Variants in ITGB5 observed in about 807,000 individuals in gnomAD.
ITGB5 encodes the protein integrin beta-5.
A neutral mutation model predicts 84.8 loss-of-function variants in ITGB5; 38 were observed. That is an observed-to-expected ratio of 0.45 (90% CI 0.35 to 0.59). The LOEUF is 0.59. ITGB5 is among the 20% of genes least tolerant of loss of function. ITGB5 has a pLI of 0.01. For missense variants in ITGB5, 905 were observed against 1,034.5 expected, an observed-to-expected ratio of 0.87 and a Z score of 1.72; for synonymous variants, 393 against 414.4, an observed-to-expected ratio of 0.95 and a Z score of 0.63.
intron 9 of ITGB5, among the ~76,000 whole-genome samples, chr3:124,801,273 C>T (rs1030541149): frequency 6.6e-6 from 1 of 152,096 alleles, no homozygotes; most frequent in South Asian, 2.1e-4. Context: ...AACTGACTCC[C>T]GATGGTTGGT....
chr3:124,874,076 A>C (rs1490893419), intron 1 of ITGB5, among the ~76,000 whole-genome samples: 1 of 151,714 alleles, frequency 6.6e-6, no homozygotes, highest in Non-Finnish European at 1.5e-5. Flanking sequence ...AAAAAAAAAA[A>C]AACCCAAGGC....
At chr3:124,886,567 C>T (rs1934818495) in intron 1 of ITGB5, among the ~76,000 whole-genome samples, 1 of 152,080 alleles carries the variant, frequency 6.6e-6, no homozygotes, top group Admixed American at 6.5e-5. Flanking sequence ...CCCGGCCGGC[C>T]ACAAGGACCG....
At chr3:124,865,547 C>T (rs913701380) in intron 2 of ITGB5, among the ~76,000 whole-genome samples, 1 of 126,048 alleles carries the variant, frequency 7.9e-6, no homozygotes, top group Non-Finnish European at 1.6e-5. Context: ...AGTGCAGTGA[C>T]GTGATCACCA....
intron 5 of ITGB5, among the ~76,000 whole-genome samples, chr3:124,836,534 G>T (rs2064938128): frequency 6.6e-6 from 1 of 152,102 alleles, no homozygotes; most frequent in Non-Finnish European, 1.5e-5. Context: ...ACTTCCCAGA[G>T]CACACAGTCA....
chr3:124,895,025 A>G (rs1935074347), intron 1 of ITGB5, among the ~76,000 whole-genome samples: 1 of 151,986 alleles, frequency 6.6e-6, no homozygotes, highest in Admixed American at 6.6e-5. Context: ...TGTGGCCCAC[A>G]GGCCACAGGT....
chr3:124,784,071 T>G (rs906611340), intron 10 of ITGB5, among the ~76,000 whole-genome samples: 2 of 152,210 alleles, frequency 1.3e-5, no homozygotes, highest in South Asian at 4.1e-4. Flanking sequence ...AATAAGGTGA[T>G]ATTGCTTTAA....
chr3:124,764,061 G>A (rs2063731743), intron 14 of ITGB5, among the ~76,000 whole-genome samples: 1 of 152,182 alleles, frequency 6.6e-6, no homozygotes, highest in African/African-American at 2.4e-5. Context: ...CAGACTGCAG[G>A]TGTGAGTGTT....
intron 2 of ITGB5, among the ~76,000 whole-genome samples, chr3:124,867,986 C>T (rs2065417594): frequency 6.6e-6 from 1 of 152,074 alleles, no homozygotes; most frequent in Non-Finnish European, 1.5e-5. Flanking sequence ...ATCATGGGGG[C>T]GGTTTCCCCT....
intron 4 of ITGB5, among the ~76,000 whole-genome samples, chr3:124,844,971 A>G (rs2065058148): frequency 6.6e-6 from 1 of 152,230 alleles, no homozygotes; most frequent in African/African-American, 2.4e-5. Context: ...CGGCAAACAT[A>G]AAACTGCTCT....
intron 10 of ITGB5, among the ~76,000 whole-genome samples, chr3:124,794,681 C>G (rs781440866): frequency 7.9e-5 from 12 of 151,628 alleles, no homozygotes; most frequent in Non-Finnish European, 5.9e-5. Flanking sequence ...AGTCAGGAGG[C>G]TGAGACAGGA....
Position 124,859,428 on chromosome 3 carries a change from A to G in ITGB5, c.175T>C (p.Ser59Pro), listed in dbSNP as rs2065265950. The part of the protein sequence containing the change: ...CSKEDFGSPR[S>P]ITSRCDLRAN... Reference sequence around the variant, plus strand: ...CTCAGATCACACCGAGAGGTGATGGACCGTGGGCTTCCGAAGTCCTAGGCA... The same window carrying G: ...CTCAGATCACACCGAGAGGTGATGGGCCGTGGGCTTCCGAAGTCCTAGGCA... The change falls in exon 3 of 15, where the codon TCC (serine) becomes CCC (proline). Residue 59 changes from serine to proline, a missense_variant. Coordinates refer to ENST00000296181, the MANE Select transcript of ITGB5 (RefSeq NM_002213.5). The G allele has an allele frequency of 2.5e-6, 4 of 1,613,826 alleles. No individual in the cohort carries two copies. The South Asian group carries it at 4.4e-5, about 18-fold the overall frequency.
chr3:124,859,762 A>G lies in ITGB5; in HGVS notation c.157-316T>C, dbSNP rs3772859. On this transcript the variant is annotated intron_variant, in intron 2 of 14. Transcript: ENST00000296181. ...TAGCAAGAGAAACAGAAATGATCAG[A>G]AGTTGTATAGCTAAAATTTTTTAAA... 2.3e-3 allele frequency among the ~76,000 whole-genome samples: 347 copies of G among 152,262 alleles called. 11 individuals carry two copies. In the East Asian group the frequency reaches 0.057, roughly 25 times the overall value.
intron 8 of ITGB5, among the ~76,000 whole-genome samples, chr3:124,814,383 T>C (rs998787526): frequency 6.6e-6 from 1 of 151,796 alleles, no homozygotes; most frequent in East Asian, 1.9e-4. Flanking sequence ...CACAGGTGTA[T>C]ACCTGTGCCA....
At chr3:124,873,939 C>A (rs2107640494) in intron 1 of ITGB5, among the ~76,000 whole-genome samples, 1 of 151,772 alleles carries the variant, frequency 6.6e-6, no homozygotes, top group South Asian at 2.1e-4. Context: ...AAATAAAATT[C>A]TAAATCAAAT....
chr3:124,889,982 A>C (rs1203255062), upstream of ITGB5, among the ~76,000 whole-genome samples: 5 of 151,816 alleles, frequency 3.3e-5, no homozygotes, highest in Admixed American at 6.6e-5. Flanking sequence ...ACTGCACTCC[A>C]CTCCAGCCTG....
At chr3:124,843,424 T>G (rs994290427) in intron 4 of ITGB5, among the ~76,000 whole-genome samples, 1 of 152,200 alleles carries the variant, frequency 6.6e-6, no homozygotes, top group Non-Finnish European at 1.5e-5. Flanking sequence ...GATTGCTGTT[T>G]AACCAGGAAA....
At chr3:124,854,288 T>C (rs61608339) in intron 3 of ITGB5, among the ~76,000 whole-genome samples, 3,560 of 152,274 alleles carry the variant, frequency 0.023, 130 homozygotes, top group African/African-American at 0.081. Context: ...ATAGCAGCAT[T>C]AGTCATAATT....
At position 124,766,272 on chromosome 3, in the gene ITGB5, C is replaced by T. The variant is rs1401751072; in HGVS notation, c.2091G>A (p.Val697=). 6.2e-7 allele frequency: 1 copy of T among 1,614,014 alleles called. No individual in the cohort carries two copies. Among genetic ancestry groups the T allele is most frequent in the African/African-American group, 1.3e-5 (1 of 74,916 alleles). The part of the protein sequence containing the change: ...AKDCVMMFTY[V]ELPSGKSNLT... ...GGTTGGACTTCCCACTGGGGAGCTC[C>T]ACATAGGTGAACATCATGACGCAGT... Residue 697 remains valine, a synonymous_variant, in exon 13 of 15, where the codon GTG becomes GTA. Transcript: ENST00000296181.
intron 3 of ITGB5, among the ~76,000 whole-genome samples, chr3:124,850,496 G>C (rs1290409118): frequency 1.4e-5 from 2 of 138,574 alleles, no homozygotes; most frequent in Non-Finnish European, 3.0e-5. Context: ...CCTCAGGATT[G>C]ATGGAGTTTG....
Sources: allele counts gnomAD v4.1 joint callset (sites outside exome capture counted in the v4.1 genomes callset), GRCh38; gene constraint gnomAD v4.1.1; transcripts MANE v1.5; gene names NCBI Gene and HGNC (gene_info 2026-07-23, HGNC 2026-07-21).